TLK1: variants seen among roughly 807,000 people sequenced by gnomAD.
TLK1 encodes the protein serine/threonine-protein kinase tousled-like 1.
A neutral mutation model predicts 105.3 loss-of-function variants in TLK1; 24 were observed. The ratio of observed to expected loss-of-function variants is 0.23; its 90% CI spans 0.17 to 0.32. The LOEUF is 0.32. Ranked by LOEUF, TLK1 falls within the 10% of genes least tolerant of loss-of-function variation. TLK1 has a pLI of 1.00. For synonymous variants in TLK1, 321 were observed against 310.4 expected (o/e 1.03, Z -0.36); for missense variants, 558 against 910.5 (o/e 0.61, Z 4.98).
intron 10 of TLK1, among the ~76,000 whole-genome samples, chr2:171,048,621 G>C (rs1687071876): frequency 3.2e-5 from 1 of 31,568 alleles, no homozygotes; most frequent in Non-Finnish European, 1.1e-4. Context: ...ATTATCTGCA[G>C]AATTGAAACC....
intron 3 of TLK1, among the ~76,000 whole-genome samples, chr2:171,075,046 G>A (rs1450403502): frequency 6.6e-6 from 1 of 151,410 alleles, no homozygotes; most frequent in African/African-American, 2.4e-5. Flanking sequence ...GATTTCTCCA[G>A]GTCACAGTAA....
chr2:171,060,237 GT>G (rs1483466757), intron 4 of TLK1, among the ~76,000 whole-genome samples: 3 of 152,160 alleles, frequency 2.0e-5, no homozygotes, highest in South Asian at 4.1e-4. Context: ...TTGTTTTTGA[GT>G]TTATATCTTT....
intron 12 of TLK1, chr2:171,023,081 G>A (rs538291248): frequency 5.9e-5 from 28 of 470,944 alleles, no homozygotes; most frequent in African/African-American, 8.0e-5. Flanking sequence ...TGCCAATATC[G>A]GTCAGAGAAC....
chr2:171,205,323 CTTT>C (rs10714396), intron 1 of TLK1, among the ~76,000 whole-genome samples: 2 of 145,894 alleles, frequency 1.4e-5, no homozygotes, highest in Admixed American at 6.8e-5. Flanking sequence ...TCTAAGACAG[CTTT>C]TTTTTTTTTT....
chr2:171,228,415 A>C (rs1693938014), intron 1 of TLK1, among the ~76,000 whole-genome samples: 1 of 151,676 alleles, frequency 6.6e-6, no homozygotes, highest in Non-Finnish European at 1.5e-5. Context: ...TCAGCTAAGC[A>C]TGGTGCACAC....
At chr2:171,068,506 T>A (rs180731084) in intron 3 of TLK1, among the ~76,000 whole-genome samples, 71 of 152,300 alleles carry the variant, frequency 4.7e-4, no homozygotes, top group African/African-American at 1.7e-3. Context: ...ATCATATCTT[T>A]ATTAGCATTG....
At chr2:171,156,232 G>GATATA (rs1306277366) in intron 1 of TLK1, among the ~76,000 whole-genome samples, 1 of 152,130 alleles carries the variant, frequency 6.6e-6, no homozygotes, top group Non-Finnish European at 1.5e-5. Flanking sequence ...ACTGAAGGCA[G>GATATA]ACAAAAAATC....
intron 1 of TLK1, among the ~76,000 whole-genome samples, chr2:171,145,311 G>A (rs113206638): frequency 0.013 from 2,003 of 151,394 alleles, 48 homozygotes; most frequent in African/African-American, 0.046. Flanking sequence ...ACAAAAAAAG[G>A]CCGGGCACAG....
upstream of TLK1, among the ~76,000 whole-genome samples, chr2:171,163,038 C>T (rs1014399608): frequency 6.6e-6 from 1 of 152,196 alleles, no homozygotes; most frequent in Admixed American, 6.5e-5. Flanking sequence ...GTGATCCGCC[C>T]ACCTTGGCCT....
At chr2:171,213,258 GCATGA>G (rs1693653799) in intron 1 of TLK1, among the ~76,000 whole-genome samples, 1 of 151,342 alleles carries the variant, frequency 6.6e-6, no homozygotes, top group Admixed American at 6.6e-5. Flanking sequence ...GAGTACAGTG[GCATGA>G]CAATCATGGC....
At chr2:171,074,810 T>C (rs2105466780) in intron 3 of TLK1, among the ~76,000 whole-genome samples, 1 of 152,198 alleles carries the variant, frequency 6.6e-6, no homozygotes, top group African/African-American at 2.4e-5. Flanking sequence ...GAAAATAATT[T>C]AGACAGCAAG....
intron 1 of TLK1, among the ~76,000 whole-genome samples, chr2:171,152,630 T>C (rs892128180): frequency 2.6e-5 from 4 of 152,180 alleles, no homozygotes; most frequent in Non-Finnish European, 5.9e-5. Flanking sequence ...TTGCCCATAC[T>C]GAATACTATT....
In TLK1 at chr2:171,101,346, C is replaced by CAA. The variant is rs71401403; in HGVS notation, c.258+16391_258+16392dup. Among the ~76,000 whole-genome samples the CAA allele has an allele frequency of 1.5e-3, 97 of 63,446 alleles. 3 individuals are homozygous for CAA. The highest frequency in any genetic ancestry group is 5.8e-3 in the African/African-American group (80 of 13,844). 41.6% of individuals were successfully genotyped at this position (63,446 alleles called of 152,430 possible). ...GGACAACAAGAGTGAAACTCCGTCT[C>CAA]AAAAAAAAAAAAAAAAAAAGCCAGG... On this transcript the variant is annotated intron_variant, in intron 2 of 20. Transcript: ENST00000431350.
chr2:171,214,963 CG>C (rs1159515670), intron 1 of TLK1, among the ~76,000 whole-genome samples: 4 of 151,358 alleles, frequency 2.6e-5, no homozygotes, highest in Non-Finnish European at 5.9e-5. Context: ...TTTTTTGAGA[CG>C]GGGCCTTGCT....
chr2:171,189,343 CT>C (rs1693099211), intron 1 of TLK1, among the ~76,000 whole-genome samples: 1 of 151,916 alleles, frequency 6.6e-6, no homozygotes. Context: ...AGTTTTTACA[CT>C]TTTAGTAGAG....
intron 1 of TLK1, among the ~76,000 whole-genome samples, chr2:171,227,583 T>TTTTC: frequency 7.4e-6 from 1 of 135,542 alleles, no homozygotes; most frequent in Non-Finnish European, 1.6e-5. Flanking sequence ...TTTTTTTTTT[T>TTTTC]TTTTTTTTTT....
intron 1 of TLK1, among the ~76,000 whole-genome samples, chr2:171,123,377 T>G (rs1038222700): frequency 3.9e-5 from 6 of 152,164 alleles, no homozygotes; most frequent in Admixed American, 3.9e-4. Flanking sequence ...TTGTAATTTT[T>G]TTTTTAGTAG....
At chr2:171,194,716 C>G (rs983835176) in intron 1 of TLK1, among the ~76,000 whole-genome samples, 1 of 147,904 alleles carries the variant, frequency 6.8e-6, no homozygotes, top group Non-Finnish European at 1.5e-5. Flanking sequence ...ACTCCGGAGG[C>G]TGAGGCAGGA....
intron 3 of TLK1, among the ~76,000 whole-genome samples, chr2:171,070,610 T>C (rs1688207084): frequency 6.6e-6 from 1 of 152,228 alleles, no homozygotes. Context: ...CAGATTGCAT[T>C]CTTTCTTATG....
Sources: gnomAD v4.1 joint callset for allele counts (sites outside exome capture counted in the v4.1 genomes callset) on GRCh38, gnomAD v4.1.1 for gene constraint, MANE v1.5 for transcripts, NCBI Gene and HGNC (gene_info 2026-07-23, HGNC 2026-07-21) for gene names.